The following NBPF15 variants were observed in gnomAD, a reference collection of about 807,000 sequenced individuals.
The protein encoded by NBPF15 is NBPF member 15.
A neutral mutation model predicts 62.2 loss-of-function variants in NBPF15; 74 were observed. That is an observed-to-expected ratio of 1.19 (90% CI 0.99 to 1.44). The LOEUF (loss-of-function observed/expected upper bound fraction) is 1.44, where lower values mean the gene tolerates loss of function less well. Ranked by LOEUF, NBPF15 falls within the 40% of genes most tolerant of loss-of-function variation. The pLI is 0.00. For synonymous variants in NBPF15, 244 were observed against 209.7 expected, an observed-to-expected ratio of 1.16 and a Z score of -1.41; for missense variants, 790 against 550.0, an observed-to-expected ratio of 1.44 and a Z score of -4.36.
intron 21 of NBPF15, 56 bp from the exon 22 acceptor site, chr1:144,423,312 C>T (rs1468924763): frequency 2.8e-5 from 45 of 1,611,052 alleles, no homozygotes; most frequent in Non-Finnish European, 3.8e-5. Flanking sequence ...CACCACAGAG[C>T]CCCACTAGAT....
In NBPF15 at chr1:144,422,786, C is replaced by T. The variant is rs1394881474; in HGVS notation, c.*227G>A. 28 of 1,087,708 alleles carry T rather than the reference C, an allele frequency of 2.6e-5. No homozygotes were observed. The highest frequency in any genetic ancestry group is 9.8e-5 in the East Asian group (4 of 40,876). The allele number at this position is 1,087,708 out of a possible 1,614,324, so 67.4% of individuals were successfully genotyped here. On this transcript the variant is annotated 3_prime_UTR_variant, in exon 22 of 22. Coordinates refer to ENST00000581897, the MANE Select transcript of NBPF15 (RefSeq NM_001385408.1). Reference sequence around the variant, plus strand: ...ATTAAAATGTCTGACTGATCACTCCCGGCATGTTCTGCACAGTTATGTGAA... The same window carrying T: ...ATTAAAATGTCTGACTGATCACTCCTGGCATGTTCTGCACAGTTATGTGAA...
chr1:144,447,140 G>A (rs1688137100), intron 6 of NBPF15, among the ~76,000 whole-genome samples: 1 of 152,268 alleles, frequency 6.6e-6, no homozygotes, highest in Non-Finnish European at 1.5e-5. Flanking sequence ...CCAGAACCCT[G>A]TTGTTCTGAC....
Position 144,423,012 on chromosome 1 carries a change from C to T in NBPF15, c.*1G>A. ...ACATCTCTCGGCTTAGTAAGAGCTG[C>T]TTATTGTGGGAATATGACTCCCATC... is the stretch of plus-strand genomic sequence containing the variant. On this transcript the variant is annotated 3_prime_UTR_variant, in exon 22 of 22. Coordinates refer to ENST00000581897, the MANE Select transcript of NBPF15 (RefSeq NM_001385408.1). The T allele has an allele frequency of 1.2e-6, 2 of 1,611,618 alleles. No individual in the cohort carries two copies. Among genetic ancestry groups the T allele is most frequent in the South Asian group, 1.1e-5 (1 of 90,968 alleles).
In NBPF15 at chr1:144,434,991, C is replaced by A; in HGVS notation, c.772+120G>T. 1.9e-6 allele frequency: 3 copies of A among 1,577,132 alleles called. 1 individual carries two copies. Among genetic ancestry groups the A allele is most frequent in the Non-Finnish European group, 2.6e-6 (3 of 1,151,906 alleles). ...GAAGGACAAAAAAACTCCCTGATAT[C>A]TGTTTAGAAACCCATCACAGTTTTT... On this transcript the variant is annotated intron_variant, in intron 12 of 21. Coordinates refer to ENST00000581897, the MANE Select transcript of NBPF15 (RefSeq NM_001385408.1).
intron 3 of NBPF15, among the ~76,000 whole-genome samples, chr1:144,458,762 G>A (rs782782228): frequency 5.2e-4 from 79 of 152,292 alleles, no homozygotes; most frequent in Non-Finnish European, 8.8e-4. Context: ...AATCATAGCC[G>A]GGTGGGGTGG....
chr1:144,456,589 G>C lies in NBPF15; in HGVS notation c.-484C>G. 4.6e-6 allele frequency: 7 copies of C among 1,510,058 alleles called. No homozygotes were observed. Among genetic ancestry groups the C allele is most frequent in the Non-Finnish European group, 6.2e-6 (7 of 1,121,712 alleles). The allele number at this position is 1,510,058 out of a possible 1,614,324, so 93.5% of individuals were successfully genotyped here. A position where few individuals can be genotyped will look rare whatever the true frequency, so the allele number is the denominator to read the frequency against. On this transcript the variant is annotated 5_prime_UTR_variant, in exon 4 of 22. Coordinates refer to ENST00000581897, the MANE Select transcript of NBPF15 (RefSeq NM_001385408.1). ...GCCCACACCGTGTGAGGTTGCTCTT[G>C]GTGCACCGAATGGGGAAGTTTCTAC...
At chr1:144,447,556 C>T (rs1553544533) in intron 6 of NBPF15, among the ~76,000 whole-genome samples, 1 of 151,600 alleles carries the variant, frequency 6.6e-6, no homozygotes, top group African/African-American at 2.4e-5. Flanking sequence ...AAGGGACAAG[C>T]CCCAAGTGGC....
chr1:144,432,536 C>G (rs1366983277), intron 13 of NBPF15, among the ~76,000 whole-genome samples: 3 of 151,718 alleles, frequency 2.0e-5, no homozygotes, highest in African/African-American at 7.3e-5. Flanking sequence ...GAGTCAAGAC[C>G]CATCAGTGTG....
chr1:144,425,477 A>G, intron 19 of NBPF15, 40 bp downstream of exon 19: 1 of 366,856 alleles, frequency 2.7e-6, no homozygotes, highest in South Asian at 2.2e-5. Flanking sequence ...GAGTCTCCAG[A>G]TGTCAACACA....
At chr1:144,454,716 C>G (rs182534907) in intron 4 of NBPF15, among the ~76,000 whole-genome samples, 8 of 146,880 alleles carry the variant, frequency 5.4e-5, no homozygotes, top group African/African-American at 2.2e-4. Context: ...CCCCGGAACA[C>G]AGCTAGCAGA....
intron 4 of NBPF15, among the ~76,000 whole-genome samples, chr1:144,453,691 G>T (rs1307027118): frequency 1.2e-5 from 1 of 80,764 alleles, no homozygotes; most frequent in African/African-American, 4.0e-5. Flanking sequence ...TCATTAATAA[G>T]ATATACAGAT....
At chr1:144,424,258 T>A (rs1306706673) in intron 20 of NBPF15, among the ~76,000 whole-genome samples, 5 of 151,652 alleles carry the variant, frequency 3.3e-5, no homozygotes, top group African/African-American at 9.7e-5. Context: ...CCAATCAATT[T>A]AAAGCAAATA....
chr1:144,455,288 G>A (rs2102795528), intron 4 of NBPF15, among the ~76,000 whole-genome samples: 1 of 151,162 alleles, frequency 6.6e-6, no homozygotes, highest in African/African-American at 2.4e-5. Context: ...AAGTAGGGAA[G>A]GAAGGAAGGA....
intron 15 of NBPF15, among the ~76,000 whole-genome samples, 158 bp downstream of exon 15, chr1:144,428,448 A>G (rs1671605841): frequency 6.6e-6 from 1 of 152,166 alleles, no homozygotes; most frequent in African/African-American, 2.4e-5. Context: ...GGAAACCTAA[A>G]CATTTACTCT....
At chr1:144,434,823 G>A (rs1677012820) in intron 12 of NBPF15, among the ~76,000 whole-genome samples, 1 of 151,946 alleles carries the variant, frequency 6.6e-6, no homozygotes, top group South Asian at 2.1e-4. Flanking sequence ...CAGATGACAA[G>A]AGATACTGAA....
At chr1:144,433,290 A>T (rs1675856715) in intron 13 of NBPF15, among the ~76,000 whole-genome samples, 1 of 152,104 alleles carries the variant, frequency 6.6e-6, no homozygotes, top group African/African-American at 2.4e-5. Flanking sequence ...TCTCTGAGAC[A>T]CATTTAAAGC....
At chr1:144,455,662 T>C (rs1476599236) in intron 4 of NBPF15, among the ~76,000 whole-genome samples, 1 of 151,944 alleles carries the variant, frequency 6.6e-6, no homozygotes, top group Non-Finnish European at 1.5e-5. Flanking sequence ...CATCGTCCAT[T>C]TGTCATTCTC....
intron 4 of NBPF15, among the ~76,000 whole-genome samples, chr1:144,455,725 G>A (rs1180650128): frequency 7.2e-5 from 11 of 152,050 alleles, no homozygotes; most frequent in East Asian, 5.8e-4. Flanking sequence ...CTGGTGGACG[G>A]CCACGTGAGA....
In NBPF15 at chr1:144,439,922, A is replaced by T; in HGVS notation, c.82T>A (p.Leu28Met). The T allele has an allele frequency of 6.2e-7, 1 of 1,610,618 alleles. No homozygotes were observed. The highest frequency in any genetic ancestry group is 1.7e-5 in the Admixed American group (1 of 59,896). Reference sequence around the variant, plus strand: ...CTGAACTGCTGTTTCTTCTCTGCCAACTGGGGGCGCAATTTCTCATTGATT... The same window carrying T: ...CTGAACTGCTGTTTCTTCTCTGCCATCTGGGGGCGCAATTTCTCATTGATT... ...LEINEKLRPQ[L>M]AEKKQQFRNL... The change falls in exon 8 of 22, where the codon TTG becomes ATG. Residue 28 changes from leucine (L) to methionine (M), a missense_variant. Leu to Met is a conservative substitution (Grantham distance 15). Coordinates refer to ENST00000581897, the MANE Select transcript of NBPF15 (RefSeq NM_001385408.1).
Sources: gnomAD v4.1 joint callset for allele counts (sites outside exome capture counted in the v4.1 genomes callset) on GRCh38, gnomAD v4.1.1 for gene constraint, MANE v1.5 for transcripts, NCBI Gene and HGNC (gene_info 2026-07-23, HGNC 2026-07-21) for gene names.